MYO16: variants seen among roughly 807,000 people sequenced by gnomAD.
The protein encoded by MYO16 is myosin XVI.
A neutral mutation model predicts 205.3 loss-of-function variants in MYO16; 94 were observed. That is an observed-to-expected ratio of 0.46 (90% CI 0.39 to 0.54). The LOEUF (loss-of-function observed/expected upper bound fraction) is 0.54. MYO16 is among the 20% of genes least tolerant of loss of function. The pLI is 0.00. For synonymous variants in MYO16, 988 were observed against 954.0 expected (o/e 1.04, Z -0.66); for missense variants, 2,315 against 2,387.5 (o/e 0.97, Z 0.63).
Position 109,205,533 on chromosome 13 carries a change from C to T in MYO16, c.5416-1076C>T, listed in dbSNP as rs534526162. Among the ~76,000 whole-genome samples the T allele has an allele frequency of 2.6e-5, 4 of 152,314 alleles. No individual in the cohort carries two copies. The South Asian group carries it at 8.3e-4, about 32-fold the overall frequency. On this transcript the variant is annotated intron_variant, in intron 34 of 34. Coordinates refer to ENST00000457511, the MANE Select transcript of MYO16 (RefSeq NM_001198950.3). Reference sequence around the variant, plus strand: ...GTGCTTTGGAGGTAGGATGAGTCATCTCATTTCCTCTGAATTCTCCCCAGT... The same window carrying T: ...GTGCTTTGGAGGTAGGATGAGTCATTTCATTTCCTCTGAATTCTCCCCAGT...
intron 5 of MYO16, among the ~76,000 whole-genome samples, chr13:108,788,911 C>G (rs1008293482): frequency 4.6e-5 from 7 of 152,164 alleles, no homozygotes; most frequent in Non-Finnish European, 1.0e-4. Flanking sequence ...CGAATGCTTC[C>G]CGTGTCTGTC....
rs117856057 is a variant in MYO16 at position 108,693,877 on chromosome 13, T to C, written c.293-18784T>C. On this transcript the variant is annotated intron_variant, in intron 2 of 34. Transcript: ENST00000457511. ...CCTCTTGCCACCTTTCACCCTCCAG[T>C]TGGCCCCAGTGTCTGTTTTTCCCCA... Among the ~76,000 whole-genome samples, 137 of 152,280 alleles carry C rather than the reference T, an allele frequency of 9.0e-4. No homozygotes were observed. The East Asian group carries it at 0.019, about 22-fold the overall frequency.
intron 1 of MYO16, among the ~76,000 whole-genome samples, chr13:108,642,574 C>A (rs879584280): frequency 1.3e-5 from 2 of 152,032 alleles, no homozygotes; most frequent in South Asian, 4.1e-4. Flanking sequence ...TGCACCACCA[C>A]GCCCAGCTAA....
intron 29 of MYO16, among the ~76,000 whole-genome samples, chr13:109,121,404 C>T (rs2139762435): frequency 6.6e-6 from 1 of 152,302 alleles, no homozygotes; most frequent in East Asian, 1.9e-4. Flanking sequence ...GCGCTGGTCT[C>T]CTCCAGCTGG....
chr13:108,988,193 G>C (rs1201210656), intron 20 of MYO16, among the ~76,000 whole-genome samples: 1 of 152,146 alleles, frequency 6.6e-6, no homozygotes. Flanking sequence ...CTGTGGAATA[G>C]GAGTCAGATA....
At chr13:108,825,607 G>A (rs598681) in intron 9 of MYO16, among the ~76,000 whole-genome samples, 132,623 of 151,188 alleles carry the variant, frequency 0.88, 60,661 homozygotes, top group Non-Finnish European at 1. Context: ...ATAAATAAAT[G>A]AATAGTATCC....
chr13:109,032,082 G>T (rs1257280435), intron 23 of MYO16, among the ~76,000 whole-genome samples: 1 of 152,040 alleles, frequency 6.6e-6, no homozygotes, highest in Non-Finnish European at 1.5e-5. Context: ...GCTTTTCTGG[G>T]CGTCTTAGGG....
intron 34 of MYO16, among the ~76,000 whole-genome samples, chr13:109,200,558 T>C (rs1019644190): frequency 6.6e-6 from 1 of 152,192 alleles, no homozygotes; most frequent in African/African-American, 2.4e-5. Flanking sequence ...GGTTTATGTG[T>C]GTAAGTTTCA....
chr13:108,712,598 A>G (rs1466984650), intron 2 of MYO16, 63 bp from the exon 3 acceptor site: 55 of 1,415,622 alleles, frequency 3.9e-5, no homozygotes, highest in Non-Finnish European at 5.0e-5. Flanking sequence ...AAGCCTACAC[A>G]TTTGGTTCCA....
At chr13:108,629,935 G>C (rs1027518188) in intron 1 of MYO16, 63 bp downstream of exon 1, 2 of 1,436,544 alleles carry the variant, frequency 1.4e-6, no homozygotes, top group Admixed American at 4.0e-5. Flanking sequence ...ATTTTGTGCA[G>C]ATGCCAAAAT....
At chr13:108,983,909 A>G (rs1265424952) in intron 20 of MYO16, among the ~76,000 whole-genome samples, 2 of 152,198 alleles carry the variant, frequency 1.3e-5, no homozygotes, top group Non-Finnish European at 2.9e-5. Flanking sequence ...AACTACCTAT[A>G]GCACTCCTAC....
Position 108,820,362 on chromosome 13 carries a change from T to G in MYO16, c.893T>G (p.Met298Arg). 6.2e-7 allele frequency: 1 copy of G among 1,605,308 alleles called. No individual in the cohort carries two copies. The highest frequency in any genetic ancestry group is 1.1e-5 in the South Asian group (1 of 89,428). The change falls in exon 8 of 35, where the codon ATG becomes AGG. Residue 298 changes from methionine (M) to arginine (R), a missense_variant. This residue lies in a region of MYO16 where 1,213 missense variants were observed against 1,274.4 expected (regional missense o/e 0.95). Coordinates refer to ENST00000457511, the MANE Select transcript of MYO16 (RefSeq NM_001198950.3). The part of the protein sequence containing the change: ...GQTNLVKLLL[M>R]HQANPHLVNC... ...ACAAATCTGGTGAAACTTCTCCTGA[T>G]GCATCAGGCAAACCCACACCTCGTG...
intron 4 of MYO16, among the ~76,000 whole-genome samples, chr13:108,779,158 T>A (rs1886219429): frequency 6.6e-6 from 1 of 152,174 alleles, no homozygotes; most frequent in South Asian, 2.1e-4. Context: ...CCTAAGATCC[T>A]GTTTCCCACT....
At chr13:108,978,760 G>A (rs749900920) in intron 20 of MYO16, among the ~76,000 whole-genome samples, 31 of 152,042 alleles carry the variant, frequency 2.0e-4, no homozygotes, top group Non-Finnish European at 3.2e-4. Flanking sequence ...AAAACAGTTT[G>A]TACTAAATGA....
the MYO16 span, among the ~76,000 whole-genome samples, chr13:108,508,258 A>C: frequency 6.6e-6 from 1 of 151,530 alleles, no homozygotes; most frequent in Non-Finnish European, 1.5e-5. Flanking sequence ...CATTTGAAAA[A>C]AAAAAAAAAG....
intron 20 of MYO16, among the ~76,000 whole-genome samples, chr13:108,971,658 G>C (rs537144691): frequency 6.6e-6 from 1 of 151,586 alleles, no homozygotes; most frequent in Non-Finnish European, 1.5e-5. Context: ...TAAGCCTTTG[G>C]TTTCTTATGA....
chr13:108,775,985 C>T (rs746940729), intron 4 of MYO16, among the ~76,000 whole-genome samples: 8 of 152,066 alleles, frequency 5.3e-5, no homozygotes, highest in African/African-American at 7.2e-5. Flanking sequence ...CTCAAAGGGG[C>T]GGGTTTTGCC....
chr13:108,844,841 T>C (rs546218330), intron 10 of MYO16, among the ~76,000 whole-genome samples: 18 of 152,224 alleles, frequency 1.2e-4, no homozygotes, highest in Admixed American at 8.5e-4. Flanking sequence ...ACCCAAATAT[T>C]TATGAACAAG....
In MYO16 at chr13:109,141,195, C is replaced by G. The variant is rs767978475; in HGVS notation, c.4983C>G (p.Pro1661=). Residue 1661 remains proline (P), a synonymous_variant, in exon 32 of 35, where the codon CCC becomes CCG. Coordinates refer to ENST00000457511, the MANE Select transcript of MYO16 (RefSeq NM_001198950.3). The surrounding 1 kb of genome is among the most constrained non-coding windows in gnomAD (Gnocchi z 4.1). ...CSSFPKIPYS[P]VKATRADARK... ...CCTTCCCCAAGATCCCATATTCCCC[C>G]GTGAAGGCCACCAGGGCGGACGCCA... is the stretch of plus-strand genomic sequence containing the variant. 26 of 1,607,292 alleles carry G rather than the reference C, an allele frequency of 1.6e-5. No homozygotes were observed. In the East Asian group the frequency reaches 2.5e-4, roughly 16 times the overall value.
Sources: allele counts gnomAD v4.1 joint callset (sites outside exome capture counted in the v4.1 genomes callset), GRCh38; gene constraint gnomAD v4.1.1; regional missense constraint gnomAD v4.1.1; non-coding constraint Gnocchi (gnomAD v3.1); transcripts MANE v1.5; gene names NCBI Gene and HGNC (gene_info 2026-07-23, HGNC 2026-07-21).